The following TRIM65 variants were observed in gnomAD, a reference collection of about 807,000 sequenced individuals.
TRIM65 encodes E3 ubiquitin-protein ligase TRIM65.
In TRIM65, 46 loss-of-function variants were observed where a neutral mutation model predicts 36.1. The ratio of observed to expected loss-of-function variants is 1.27; its 90% CI spans 1.01 to 1.63. The LOEUF (loss-of-function observed/expected upper bound fraction) is 1.63. Among genes scored for constraint, TRIM65 ranks in the 40% most tolerant of loss-of-function variants. The probability of loss-of-function intolerance (pLI) is 0.00; values close to 1 mark genes in which losing one functional copy is unlikely to be tolerated. For synonymous variants in TRIM65, 346 were observed against 313.6 expected (o/e 1.10, Z -1.09); for missense variants, 708 against 696.6 (o/e 1.02, Z -0.18).
Position 75,892,447 on chromosome 17 carries a change from T to C in TRIM65, c.564A>G (p.Leu188=). Residue 188 remains leucine (L), a synonymous_variant, in exon 3 of 6, where the codon CTA becomes CTG. Transcript: ENST00000269383. ...TCGTGTGCTGTATTTCCAGGGCCTG[T>C]AGCAGGCTGCTGAACTTGCCGGAGA... The part of the protein sequence containing the change: ...SWVSGKFSSL[L]QALEIQHTTA... The C allele has an allele frequency of 1.9e-6, 3 of 1,614,032 alleles. No homozygotes were observed. The highest frequency in any genetic ancestry group is 1.7e-6 in the Non-Finnish European group (2 of 1,179,942).
At chr17:75,888,762 T>G (rs371918838), downstream of TRIM65, among the ~76,000 whole-genome samples, 1 of 152,198 alleles carries the variant, frequency 6.6e-6, no homozygotes, top group East Asian at 1.9e-4. Context: ...CTGAGGATCT[T>G]GCTGGAAAGT....
intron 1 of TRIM65, among the ~76,000 whole-genome samples, chr17:75,895,938 G>A (rs2065339965): frequency 6.6e-6 from 1 of 152,210 alleles, no homozygotes; most frequent in Non-Finnish European, 1.5e-5. Flanking sequence ...ACGGAGCAGG[G>A]AGCTGCTGCC....
chr17:75,883,186 G>C (rs1301165262), intron 4 of TRIM65, among the ~76,000 whole-genome samples: 2 of 146,464 alleles, frequency 1.4e-5, no homozygotes, highest in African/African-American at 5.3e-5. Flanking sequence ...GCTTACTCTC[G>C]GCTCACTGCA....
intron 4 of TRIM65, among the ~76,000 whole-genome samples, chr17:75,882,874 G>A (rs1157254934): frequency 6.7e-6 from 1 of 150,164 alleles, no homozygotes; most frequent in African/African-American, 2.5e-5. Context: ...GTGGCTGGGT[G>A]TGGTGGTTCA....
intron 4 of TRIM65, among the ~76,000 whole-genome samples, chr17:75,883,222 T>C (rs1054853303): frequency 4.7e-5 from 7 of 147,414 alleles, no homozygotes; most frequent in African/African-American, 1.8e-4. Flanking sequence ...GTTCAAGCCA[T>C]CCTCGTGCCT....
intron 1 of TRIM65, among the ~76,000 whole-genome samples, chr17:75,893,401 C>T (rs559108162): frequency 2.6e-5 from 4 of 152,254 alleles, no homozygotes; most frequent in East Asian, 3.9e-4. Context: ...TCTGGGGATC[C>T]GGCCAGTCCC....
intron 1 of TRIM65, among the ~76,000 whole-genome samples, chr17:75,894,818 T>C (rs932848848): frequency 5.3e-5 from 8 of 152,228 alleles, no homozygotes; most frequent in African/African-American, 1.9e-4. Context: ...CGTGAGCCAC[T>C]GCACCCGGTG....
In TRIM65 at chr17:75,892,114, C is replaced by T. The variant is rs369039840; in HGVS notation, c.816G>A (p.Gln272=). 14 of 1,560,552 alleles carry T rather than the reference C, an allele frequency of 9.0e-6. No individual in the cohort carries two copies. Among genetic ancestry groups the T allele is most frequent in the Non-Finnish European group, 1.1e-5 (13 of 1,151,976 alleles). ...TTAGCAACTGCTTCAGGTCACCCAG[C>T]TGTTGGTCTTCATCCCACTGCAGAG... ...LTPLQWDEDQ[Q]LGDLKQLLSR... The change falls in exon 4 of 6, where the codon CAG becomes CAA. Residue 272 remains glutamine (Q), a synonymous_variant. Coordinates refer to ENST00000269383, the MANE Select transcript of TRIM65 (RefSeq NM_173547.4).
chr17:75,892,067 AAG>A lies in TRIM65; in HGVS notation c.861_862del (p.Leu288GlyfsTer48). The stretch of plus-strand genomic sequence containing the variant: ...TGCCCCAGGGTGGCTCCCCTCTTCC[AAG>A]AGGAGGCCACACAGCCGGCTTAGCA... On this transcript the variant is annotated frameshift_variant, in exon 4 of 6. Coordinates refer to ENST00000269383, the MANE Select transcript of TRIM65 (RefSeq NM_173547.4). LOFTEE classifies it high-confidence loss of function. The A allele has an allele frequency of 2.6e-6, 4 of 1,551,666 alleles. No individual in the cohort carries two copies. The highest frequency in any genetic ancestry group is 2.6e-6 in the Non-Finnish European group (3 of 1,147,154).
chr17:75,893,554 G>C (rs1567846676), intron 1 of TRIM65, among the ~76,000 whole-genome samples: 2 of 152,166 alleles, frequency 1.3e-5, no homozygotes, highest in African/African-American at 4.8e-5. Flanking sequence ...CCAGCACCTG[G>C]TCAAAAGCTT....
rs2144119186 is a variant in TRIM65, at chr17:75,896,923, C to T, written c.15G>A (p.Leu5=). The change falls in exon 1 of 6, where the codon CTG becomes CTA. Residue 5 remains leucine (L), a synonymous_variant. Transcript: ENST00000269383. ...TGGCGCAGGTCAGCTTCTCCTCCAG[C>T]AGCTGCGCGGCCATGGCCCGGCGGC... MAAQ[L]LEEKLTCAIC... 1 of 1,502,696 alleles carries T rather than the reference C, an allele frequency of 6.7e-7. No homozygotes were observed. Among genetic ancestry groups the T allele is most frequent in the South Asian group, 1.2e-5 (1 of 80,652 alleles). The allele number at this position is 1,502,696 out of a possible 1,614,324, so 93.1% of individuals were successfully genotyped here.
At chr17:75,885,415 C>G (rs1446510128), downstream of TRIM65, among the ~76,000 whole-genome samples, 2 of 152,152 alleles carry the variant, frequency 1.3e-5, 1 homozygote, top group East Asian at 3.8e-4. Flanking sequence ...TAGCTGGGAC[C>G]ACAGGTGTGC....
chr17:75,883,526 G>GTTTTT (rs58142876), intron 4 of TRIM65, among the ~76,000 whole-genome samples: 15 of 118,330 alleles, frequency 1.3e-4, no homozygotes, highest in African/African-American at 2.8e-4. Context: ...CTCTGAACAA[G>GTTTTT]TTTTTTTTTT....
chr17:75,896,600 A>T lies in TRIM65; in HGVS notation c.338T>A (p.Val113Glu), dbSNP rs2065350394. The T allele has an allele frequency of 3.1e-6, 4 of 1,278,026 alleles. No homozygotes were observed. In the South Asian group the frequency reaches 8.2e-5, roughly 26 times the overall value. The allele number at this position is 1,278,026 out of a possible 1,614,324, so 79.2% of individuals were successfully genotyped here. A position where few individuals can be genotyped will look rare whatever the true frequency, so the allele number is the denominator to read the frequency against. The change falls in exon 1 of 6, where the codon GTG (valine) becomes GAG (glutamate). Residue 113 changes from valine (V) to glutamate (E), a missense_variant. Transcript: ENST00000269383. The part of the protein sequence containing the change: ...ELFCRTEGRC[V>E]CSVCTVRECR... ...CTCGCGCACGGTGCACACGCTGCAC[A>T]CACAGCGGCCCTCGGTCCGGCAGAA...
chr17:75,887,117 C>T (rs917718217), downstream of TRIM65, among the ~76,000 whole-genome samples: 20 of 140,470 alleles, frequency 1.4e-4, no homozygotes. Flanking sequence ...CCTGCCCTTG[C>T]ACTCCAGCCA....
Position 75,896,818 on chromosome 17 carries a change from C to T in TRIM65, c.120G>A (p.Trp40Ter), listed in dbSNP as rs1000574119. 24 of 1,516,796 alleles carry T rather than the reference C, an allele frequency of 1.6e-5. No homozygotes were observed. The highest frequency in any genetic ancestry group is 2.0e-5 in the Non-Finnish European group (23 of 1,134,846). The allele number at this position is 1,516,796 out of a possible 1,614,324, so 94.0% of individuals were successfully genotyped here. A position where few individuals can be genotyped will look rare whatever the true frequency, so the allele number is the denominator to read the frequency against. The change falls in exon 1 of 6, where the codon TGG becomes TGA. Residue 40 changes from tryptophan to a stop codon, truncating the protein, a stop_gained. Transcript: ENST00000269383. LOFTEE classifies it high-confidence loss of function. The stretch of plus-strand genomic sequence containing the variant: ...CGGGGCACGCCTTTCCGCAGCGGTC[C>T]CACCAGTCCCGGATGCAGGCCCCGC... Reference protein sequence around the residue: ...NFCGACIRDWWDRCGKACPEC... With the variant: ...NFCGACIRDW
In TRIM65 at chr17:75,891,873, G is replaced by C; in HGVS notation, c.925C>G (p.Pro309Ala). 6.2e-7 allele frequency: 1 copy of C among 1,611,588 alleles called. No individual in the cohort carries two copies. Among genetic ancestry groups the C allele is most frequent in the Non-Finnish European group, 8.5e-7 (1 of 1,178,860 alleles). ...KPVDLAPVEA[P>A]GPLAPVPSTV... is the part of the protein sequence containing the mutation. ...CTTGGGACCGGTGCCAGGGGACCTG[G>C]GGCCTCTAGGGGGCAAAGCAGTGTT... The change falls in exon 5 of 6, where the codon CCA (proline) becomes GCA (alanine). Residue 309 changes from proline to alanine, a missense_variant. Physicochemically the swap from Pro to Ala is conservative, Grantham distance 27 (BLOSUM62 -1). Coordinates refer to ENST00000269383, the MANE Select transcript of TRIM65 (RefSeq NM_173547.4).
At chr17:75,896,010 A>G (rs1255414709) in intron 1 of TRIM65, among the ~76,000 whole-genome samples, 2 of 152,224 alleles carry the variant, frequency 1.3e-5, no homozygotes, top group Non-Finnish European at 2.9e-5. Flanking sequence ...ACCCTGTGTC[A>G]CTGGCCGGGC....
chr17:75,884,493 A>G (rs1340686879), downstream of TRIM65, among the ~76,000 whole-genome samples: 1 of 152,196 alleles, frequency 6.6e-6, no homozygotes, highest in Non-Finnish European at 1.5e-5. Flanking sequence ...CAAGGCTTAT[A>G]ACAAAAACTA....
Sources: gnomAD v4.1 joint callset for allele counts (sites outside exome capture counted in the v4.1 genomes callset) on GRCh38, gnomAD v4.1.1 for gene constraint, MANE v1.5 for transcripts, NCBI Gene and HGNC (gene_info 2026-07-23, HGNC 2026-07-21) for gene names.